AGTPBP1: variants seen among roughly 807,000 people sequenced by gnomAD.
AGTPBP1 encodes the protein ATP/GTP binding carboxypeptidase 1.
Under a neutral mutation model 143.9 loss-of-function variants are expected in AGTPBP1, and 70 were observed. The ratio of observed to expected loss-of-function variants is 0.49; its 90% confidence interval spans 0.40 to 0.59. The LOEUF (loss-of-function observed/expected upper bound fraction) is 0.59, where lower values mean the gene tolerates loss of function less well. Ranked by LOEUF, AGTPBP1 falls within the 20% of genes least tolerant of loss-of-function variation. AGTPBP1 has a pLI of 0.00. For synonymous variants in AGTPBP1, 463 were observed against 500.2 expected (o/e 0.93, Z 0.99); for missense variants, 1,229 against 1,464.5 (o/e 0.84, Z 2.62).
At chr9:85,614,119 A>G (rs1830475552) in intron 17 of AGTPBP1, among the ~76,000 whole-genome samples, 1 of 152,084 alleles carries the variant, frequency 6.6e-6, no homozygotes, top group Admixed American at 6.5e-5. Flanking sequence ...GCTTAATGTA[A>G]ACACTAGCAA....
intron 5 of AGTPBP1, among the ~76,000 whole-genome samples, chr9:85,677,832 C>T (rs983634452): frequency 6.6e-6 from 1 of 151,858 alleles, no homozygotes; most frequent in Non-Finnish European, 1.5e-5. Flanking sequence ...GGTGAAACCC[C>T]GTCTCAACTA....
chr9:85,760,894 T>G, the AGTPBP1 span, among the ~76,000 whole-genome samples: 1 of 152,174 alleles, frequency 6.6e-6, no homozygotes, highest in Non-Finnish European at 1.5e-5. Flanking sequence ...AAAATCTCCT[T>G]AAGCTGATAA....
Position 85,585,453 on chromosome 9 carries a change from T to C in AGTPBP1, c.3165+10A>G. On this transcript the variant is annotated intron_variant, in intron 23 of 25. Coordinates refer to ENST00000357081, the MANE Select transcript of AGTPBP1 (RefSeq NM_001330701.2). Reference sequence around the variant, plus strand: ...AATTCAAAAACTTATGAATCATCTGTAATAATTACCCTGTATCCCGTATCC... The same window carrying C: ...AATTCAAAAACTTATGAATCATCTGCAATAATTACCCTGTATCCCGTATCC... 6.3e-7 allele frequency: 1 copy of C among 1,577,522 alleles called. No individual in the cohort carries two copies. Among genetic ancestry groups the C allele is most frequent in the Non-Finnish European group, 8.6e-7 (1 of 1,164,204 alleles).
chr9:85,780,940 C>A, the AGTPBP1 span, among the ~76,000 whole-genome samples: 4 of 152,026 alleles, frequency 2.6e-5, no homozygotes, highest in Non-Finnish European at 5.9e-5. Context: ...CATGATGAAA[C>A]CTCGTCTCTA....
chr9:85,655,536 T>C (rs952018815), intron 10 of AGTPBP1, among the ~76,000 whole-genome samples: 1 of 152,158 alleles, frequency 6.6e-6, no homozygotes, highest in African/African-American at 2.4e-5. Context: ...GAAGAACTTT[T>C]CCTTAAATAT....
chr9:85,661,403 G>T (rs1252560648), intron 8 of AGTPBP1, among the ~76,000 whole-genome samples: 1 of 152,026 alleles, frequency 6.6e-6, no homozygotes, highest in East Asian at 1.9e-4. Flanking sequence ...TATAGATATT[G>T]TCACTTTCTG....
the AGTPBP1 span, chr9:85,756,132 G>A: frequency 6.2e-7 from 1 of 1,611,740 alleles, no homozygotes; most frequent in Non-Finnish European, 8.5e-7. Flanking sequence ...CTGAACCAAT[G>A]CCAAGAATTA....
chr9:85,587,009 C>T lies in AGTPBP1; in HGVS notation c.2904-49G>A, dbSNP rs765716154. Reference sequence around the variant, plus strand: ...CAGAAAAACACTGGTACCCATAAACCCTTATATACATTTCTTAAACCCTTA... The same window carrying T: ...CAGAAAAACACTGGTACCCATAAACTCTTATATACATTTCTTAAACCCTTA... On this transcript the variant is annotated intron_variant, in intron 21 of 25. Coordinates refer to ENST00000357081, the MANE Select transcript of AGTPBP1 (RefSeq NM_001330701.2). 45 of 1,606,882 alleles carry T rather than the reference C, an allele frequency of 2.8e-5. 1 individual carries two copies. The South Asian group carries it at 4.9e-4, about 17-fold the overall frequency.
chr9:85,741,227 G>A, intron 1 of AGTPBP1: 2 of 985,448 alleles, frequency 2.0e-6, no homozygotes, highest in Non-Finnish European at 2.4e-6. Flanking sequence ...ACCACCCAGC[G>A]AGAGGAAGCA....
the AGTPBP1 span, chr9:85,764,799 C>A: frequency 4.5e-6 from 6 of 1,324,024 alleles, no homozygotes; most frequent in Non-Finnish European, 6.5e-6. Context: ...CAGACCAGTA[C>A]AGCTGAGGAG....
the AGTPBP1 span, among the ~76,000 whole-genome samples, chr9:85,765,857 T>TGATGAAAG: frequency 3.3e-5 from 5 of 152,130 alleles, no homozygotes; most frequent in Admixed American, 3.3e-4. Context: ...CATTGAGAAT[T>TGATGAAAG]GATGAAAGGA....
intron 17 of AGTPBP1, among the ~76,000 whole-genome samples, chr9:85,614,866 AAGCAAGTTATGGTGG>A (rs1277641780): frequency 1.3e-5 from 2 of 152,116 alleles, no homozygotes; most frequent in African/African-American, 4.8e-5. Context: ...GAGGAATTAT[AAGCAAGTTATGGTGG>A]CATTTTATCA....
chr9:85,724,283 T>C (rs1225299691), intron 1 of AGTPBP1, among the ~76,000 whole-genome samples: 1 of 131,114 alleles, frequency 7.6e-6, no homozygotes, highest in Non-Finnish European at 1.6e-5. Context: ...TGAGACTTTG[T>C]CTCAAAAAAA....
At chr9:85,797,544 T>C in the AGTPBP1 span, among the ~76,000 whole-genome samples, 2 of 152,204 alleles carry the variant, frequency 1.3e-5, no homozygotes, top group Non-Finnish European at 2.9e-5. Context: ...ATATCCCTTC[T>C]AGAGCCTTCC....
intron 8 of AGTPBP1, among the ~76,000 whole-genome samples, chr9:85,664,879 C>T (rs1564120707): frequency 6.6e-6 from 1 of 152,088 alleles, no homozygotes; most frequent in Non-Finnish European, 1.5e-5. Context: ...ACTAAGAAGC[C>T]TTCTTTGTCA....
the AGTPBP1 span, among the ~76,000 whole-genome samples, chr9:85,747,080 C>G: frequency 6.6e-6 from 1 of 152,062 alleles, no homozygotes; most frequent in Non-Finnish European, 1.5e-5. Context: ...TGATCTTGAA[C>G]TCCTGGCTTC....
chr9:85,583,478 G>A (rs2133141936), intron 23 of AGTPBP1, among the ~76,000 whole-genome samples: 1 of 152,268 alleles, frequency 6.6e-6, no homozygotes, highest in South Asian at 2.1e-4. Flanking sequence ...ACTGGTGAGG[G>A]GAGGTGTGTG....
intron 1 of AGTPBP1, among the ~76,000 whole-genome samples, chr9:85,738,285 C>T (rs1383666956): frequency 6.6e-6 from 1 of 151,260 alleles, no homozygotes; most frequent in South Asian, 2.1e-4. Flanking sequence ...ATATTAGATC[C>T]CTGCAAACCA....
At position 85,575,173 on chromosome 9, in the gene AGTPBP1, A is replaced by T. The variant is rs1333046188; in HGVS notation, c.3503+142T>A. On this transcript the variant is annotated intron_variant, in intron 25 of 25. Transcript: ENST00000357081. ...TAAAAGAATCAGCAATATAAATTGG[A>T]ACAAATATTTGATGTATTAACTTAA... 3 of 525,738 alleles carry T rather than the reference A, an allele frequency of 5.7e-6. No homozygotes were observed. In the East Asian group the frequency reaches 1.0e-4, roughly 18 times the overall value. The allele number at this position is 525,738 out of a possible 1,614,324, so 32.6% of individuals were successfully genotyped here.
Sources: allele counts gnomAD v4.1 joint callset (sites outside exome capture counted in the v4.1 genomes callset), GRCh38; gene constraint gnomAD v4.1.1; transcripts MANE v1.5; gene names NCBI Gene and HGNC (gene_info 2026-07-23, HGNC 2026-07-21).